Variants in GRIP1 observed in about 807,000 individuals in gnomAD.
GRIP1 encodes the protein glutamate receptor interacting protein 1, also known as glutamate receptor-interacting protein 1.
GRIP1 carries 45 observed loss-of-function variants against 129.9 expected under a neutral mutation model. That is an observed-to-expected ratio of 0.35 (90% CI 0.27 to 0.44). GRIP1 has a LOEUF of 0.44. Ranked by LOEUF, GRIP1 falls within the 20% of genes least tolerant of loss-of-function variation. The pLI, the probability that GRIP1 is intolerant of heterozygous loss-of-function variation, is 1.00. For synonymous variants in GRIP1, 530 were observed against 520.8 expected (o/e 1.02, Z -0.24); for missense variants, 1,196 against 1,396.8 (o/e 0.86, Z 2.29).
At chr12:66,921,944 C>T (rs1592347390) in intron 1 of GRIP1, among the ~76,000 whole-genome samples, 1 of 152,168 alleles carries the variant, frequency 6.6e-6, no homozygotes, top group East Asian at 1.9e-4. Context: ...TCCCACCTGC[C>T]TGCTATCTGC....
At chr12:67,066,888 TTATATA>T (rs1555170033) in intron 1 of GRIP1, among the ~76,000 whole-genome samples, 4 of 125,662 alleles carry the variant, frequency 3.2e-5, no homozygotes, top group African/African-American at 8.8e-5. Flanking sequence ...AAATATATAT[TTATATA>T]TATATATATA....
At chr12:66,598,196 G>A (rs73125085) in intron 1 of GRIP1, among the ~76,000 whole-genome samples, 15,113 of 152,052 alleles carry the variant, frequency 0.099, 971 homozygotes, top group Non-Finnish European at 0.15. Context: ...CAAAATTGAG[G>A]AACTCATTTC....
intron 11 of GRIP1, among the ~76,000 whole-genome samples, chr12:66,449,298 A>G (rs1565749249): frequency 6.6e-6 from 1 of 152,244 alleles, no homozygotes; most frequent in Non-Finnish European, 1.5e-5. Flanking sequence ...TTGGGATGTC[A>G]TCTACATATT....
chr12:66,986,859 A>T lies in GRIP1; in HGVS notation c.58+82191T>A, dbSNP rs538726500. On this transcript the variant is annotated intron_variant, in intron 1 of 1. Transcript: ENST00000643019. Reference sequence around the variant, plus strand: ...TAAAATAAAATTTTTAAAAAATTTTAAAAAAATAAAATAAAAATAAAAATA... The same window carrying T: ...TAAAATAAAATTTTTAAAAAATTTTTAAAAAATAAAATAAAAATAAAAATA... 2.9e-3 allele frequency among the ~76,000 whole-genome samples: 149 copies of T among 50,510 alleles called. 1 individual carries two copies. The highest frequency in any genetic ancestry group is 0.015 in the Middle Eastern group (2 of 130). 33.1% of individuals were successfully genotyped at this position (50,510 alleles called of 152,430 possible).
chr12:67,016,534 C>T (rs901375970), intron 1 of GRIP1, among the ~76,000 whole-genome samples: 14 of 152,084 alleles, frequency 9.2e-5, no homozygotes, highest in Non-Finnish European at 1.6e-4. Context: ...TGCTCACATG[C>T]TCAGCAGTCG....
Position 66,617,085 on chromosome 12 carries a change from TTGTGTGTG to T in GRIP1, c.56-20166_56-20159del, listed in dbSNP as rs71436017. ...AGCAACTTGACAAGCAACAGACGTT[TTGTGTGTG>T]TGTGTGTGTGTGTGTGTGTGTGTGT... On this transcript the variant is annotated intron_variant, in intron 1 of 24. Coordinates refer to ENST00000359742, the MANE Select transcript of GRIP1 (RefSeq NM_001366722.1). Among the ~76,000 whole-genome samples the T allele has an allele frequency of 7.6e-3, 1,028 of 135,518 alleles. 8 individuals are homozygous for T. The highest frequency in any genetic ancestry group is 0.013 in the South Asian group (52 of 3,924). 88.9% of individuals were successfully genotyped at this position (135,518 alleles called of 152,430 possible).
At chr12:66,743,424 G>A (rs2036849852) in intron 1 of GRIP1, among the ~76,000 whole-genome samples, 1 of 152,028 alleles carries the variant, frequency 6.6e-6, no homozygotes, top group East Asian at 1.9e-4. Flanking sequence ...CAGAGTAGGG[G>A]TCATGAGGAG....
upstream of GRIP1, among the ~76,000 whole-genome samples, chr12:66,683,152 T>C (rs138371612): frequency 2.0e-4 from 31 of 152,150 alleles, no homozygotes; most frequent in East Asian, 5.2e-3. Flanking sequence ...AAAATGCGAC[T>C]CTCACCCACT....
At chr12:66,665,890 T>C (rs1246259481) in intron 1 of GRIP1, among the ~76,000 whole-genome samples, 2 of 152,204 alleles carry the variant, frequency 1.3e-5, no homozygotes, top group African/African-American at 4.8e-5. Flanking sequence ...CTATGAGCAG[T>C]ATATGAAAGT....
intron 7 of GRIP1, among the ~76,000 whole-genome samples, chr12:66,509,493 A>T (rs1227708695): frequency 1.3e-5 from 2 of 152,048 alleles, no homozygotes; most frequent in Non-Finnish European, 2.9e-5. Flanking sequence ...TACTACAGTC[A>T]TTGCTTTCAG....
At chr12:66,510,061 T>C (rs149343048) in intron 7 of GRIP1, among the ~76,000 whole-genome samples, 21 of 152,352 alleles carry the variant, frequency 1.4e-4, no homozygotes, top group Admixed American at 1.2e-3. Flanking sequence ...TTCAACCATA[T>C]TGAAGTGGAA....
intron 1 of GRIP1, among the ~76,000 whole-genome samples, chr12:67,033,483 TTCAG>T (rs764128364): frequency 6.6e-6 from 1 of 152,100 alleles, no homozygotes; most frequent in Non-Finnish European, 1.5e-5. Flanking sequence ...GTAATGTTCA[TTCAG>T]TATGTACCTC....
Position 66,394,290 on chromosome 12 carries a change from G to C in GRIP1, c.2047C>G (p.Leu683Val). The C allele has an allele frequency of 6.2e-7, 1 of 1,613,842 alleles. No individual in the cohort carries two copies. Among genetic ancestry groups the C allele is most frequent in the Non-Finnish European group, 8.5e-7 (1 of 1,179,708 alleles). The part of the protein sequence containing the change: ...TVELKRYGGP[L>V]GITISGTEEP... The stretch of plus-strand genomic sequence containing the variant: ...TCAGTTCCTGAAATTGTGATGCCAA[G>C]GGGCCCCCCGTAGCGTTTAAGCTCC... Residue 683 changes from leucine to valine, a missense_variant, in exon 17 of 25, where the codon CTT becomes GTT. Physicochemically the swap from Leu to Val is conservative, Grantham distance 32. Coordinates refer to ENST00000359742, the MANE Select transcript of GRIP1 (RefSeq NM_001366722.1).
chr12:66,948,514 T>C (rs554108277), intron 1 of GRIP1, among the ~76,000 whole-genome samples: 5 of 152,290 alleles, frequency 3.3e-5, no homozygotes, highest in South Asian at 2.1e-4. Flanking sequence ...GACTGGCTCA[T>C]AGAAGAAGAT....
Position 66,371,826 on chromosome 12 carries a change from C to T in GRIP1, c.2880G>A (p.Ser960=), listed in dbSNP as rs181527317. The T allele has an allele frequency of 4.3e-4, 695 of 1,613,828 alleles. 2 individuals are homozygous for T. In the African/African-American group the frequency reaches 7.9e-3, roughly 18 times the overall value. ...GAGTTGTTTGGCTGTAGTGCGGCCG[C>T]GAGCTGCTGCGCTCCTGGAAGCTGG... The part of the protein sequence containing the change: ...RQASFQERSS[S]RPHYSQTTRS... Residue 960 remains serine (S), a synonymous_variant, in exon 23 of 25, where the codon TCG becomes TCA. Coordinates refer to ENST00000359742, the MANE Select transcript of GRIP1 (RefSeq NM_001366722.1).
intron 1 of GRIP1, among the ~76,000 whole-genome samples, chr12:66,939,399 A>C (rs2041546858): frequency 6.6e-6 from 1 of 152,198 alleles, no homozygotes; most frequent in Non-Finnish European, 1.5e-5. Context: ...TGTACATCCT[A>C]GGCTCTAGGG....
intron 1 of GRIP1, among the ~76,000 whole-genome samples, chr12:66,612,455 TCCAGACAAG>T (rs2064845667): frequency 5.9e-5 from 9 of 152,038 alleles, no homozygotes; most frequent in African/African-American, 7.2e-5. Context: ...GCCCAGGAGT[TCCAGACAAG>T]CCTGGGTAAC....
At position 66,581,730 on chromosome 12, in the gene GRIP1, C is replaced by A. The variant is rs141784004; in HGVS notation, c.136+15117G>T. ...GAAGAAGTTGAATCTCTGAATAGAC[C>A]AATAACAGGAGCTGAAATTGTGGCA... On this transcript the variant is annotated intron_variant, in intron 2 of 24. Coordinates refer to ENST00000359742, the MANE Select transcript of GRIP1 (RefSeq NM_001366722.1). Among the ~76,000 whole-genome samples the A allele has an allele frequency of 2.0e-5, 3 of 151,980 alleles. No individual in the cohort carries two copies. The East Asian group carries it at 5.8e-4, about 29-fold the overall frequency.
intron 11 of GRIP1, among the ~76,000 whole-genome samples, chr12:66,449,596 C>CT (rs2058721166): frequency 6.6e-6 from 1 of 152,172 alleles, no homozygotes; most frequent in African/African-American, 2.4e-5. Flanking sequence ...GACACATAGA[C>CT]TGTCATGTAT....
Sources: gnomAD v4.1 joint callset for allele counts (sites outside exome capture counted in the v4.1 genomes callset) on GRCh38, gnomAD v4.1.1 for gene constraint, MANE v1.5 for transcripts, NCBI Gene and HGNC (gene_info 2026-07-23, HGNC 2026-07-21) for gene names.